The following DYNC1I1 variants were observed in gnomAD, a reference collection of about 807,000 sequenced individuals.
DYNC1I1 encodes the protein dynein cytoplasmic 1 intermediate chain 1.
In DYNC1I1, 43 loss-of-function variants were observed where a neutral mutation model predicts 86.6. That is an observed-to-expected ratio of 0.50 (90% CI 0.39 to 0.64). The LOEUF is 0.64. DYNC1I1 is among the 30% of genes least tolerant of loss of function. The probability of loss-of-function intolerance (pLI) is 0.00; values close to 1 mark genes in which losing one functional copy is unlikely to be tolerated. For missense variants in DYNC1I1, 604 were observed against 788.8 expected, an observed-to-expected ratio of 0.77 and a Z score of 2.81; for synonymous variants, 262 against 283.7, an observed-to-expected ratio of 0.92 and a Z score of 0.77.
intron 5 of DYNC1I1, among the ~76,000 whole-genome samples, chr7:95,864,814 C>T (rs1789976257): frequency 6.6e-6 from 1 of 152,018 alleles, no homozygotes; most frequent in African/African-American, 2.4e-5. Context: ...CATTCAGTGG[C>T]ACTAAAGCCT....
intron 6 of DYNC1I1, among the ~76,000 whole-genome samples, chr7:95,932,725 A>T (rs1791931163): frequency 6.6e-6 from 1 of 152,184 alleles, no homozygotes; most frequent in Non-Finnish European, 1.5e-5. Flanking sequence ...TCATAGTAGT[A>T]GGTTTCGATC....
intron 6 of DYNC1I1, among the ~76,000 whole-genome samples, chr7:95,964,685 A>T (rs987210134): frequency 4.6e-5 from 7 of 152,220 alleles, no homozygotes; most frequent in African/African-American, 1.7e-4. Flanking sequence ...GATAGTAGTC[A>T]GTACTATGCA....
At chr7:95,863,272 T>C (rs571603617) in intron 5 of DYNC1I1, among the ~76,000 whole-genome samples, 2 of 152,326 alleles carry the variant, frequency 1.3e-5, no homozygotes, top group Admixed American at 1.3e-4. Flanking sequence ...ACAAAAAGGC[T>C]ACATCTTTTA....
At chr7:96,015,305 A>G (rs1419383245) in intron 10 of DYNC1I1, among the ~76,000 whole-genome samples, 2 of 152,134 alleles carry the variant, frequency 1.3e-5, no homozygotes, top group East Asian at 1.9e-4. Context: ...GACCCATAAT[A>G]TCTCCCATAT....
chr7:96,031,263 G>A (rs1794801557), intron 11 of DYNC1I1, among the ~76,000 whole-genome samples: 1 of 152,128 alleles, frequency 6.6e-6, no homozygotes, highest in African/African-American at 2.4e-5. Context: ...GATTCACCAG[G>A]ATAGGAAAGG....
chr7:96,007,446 T>C (rs1323233338), intron 10 of DYNC1I1, among the ~76,000 whole-genome samples: 1 of 152,166 alleles, frequency 6.6e-6, no homozygotes, highest in Admixed American at 6.5e-5. Flanking sequence ...AGGACAGAAA[T>C]GGAAAAGTAA....
chr7:95,944,133 A>G (rs181884604), intron 6 of DYNC1I1, among the ~76,000 whole-genome samples: 13 of 152,216 alleles, frequency 8.5e-5, no homozygotes, highest in Admixed American at 1.3e-4. Flanking sequence ...CATCTGACAA[A>G]GGGCTAATAT....
At chr7:95,921,924 C>A (rs572768299) in intron 6 of DYNC1I1, among the ~76,000 whole-genome samples, 1 of 152,092 alleles carries the variant, frequency 6.6e-6, no homozygotes. Flanking sequence ...AGACTTGAGA[C>A]AAAATAATGT....
intron 6 of DYNC1I1, among the ~76,000 whole-genome samples, chr7:95,923,724 C>T (rs1281095412): frequency 1.3e-5 from 2 of 152,116 alleles, no homozygotes; most frequent in East Asian, 3.9e-4. Context: ...TTAAACTTTC[C>T]CATAATATTT....
Position 96,028,060 on chromosome 7 carries a change from T to C in DYNC1I1, c.970-115T>C, listed in dbSNP as rs1439907659. The C allele has an allele frequency of 5.7e-6, 8 of 1,393,832 alleles. No individual in the cohort carries two copies. In the Admixed American group the frequency reaches 1.1e-4, roughly 18 times the overall value. 86.3% of individuals were successfully genotyped at this position (1,393,832 alleles called of 1,614,324 possible). A position where few individuals can be genotyped will look rare whatever the true frequency, so the allele number is the denominator to read the frequency against. On this transcript the variant is annotated intron_variant, in intron 10 of 16. Coordinates refer to ENST00000447467, the MANE Select transcript of DYNC1I1 (RefSeq NM_001135556.2). ...TTTTACAGTCCCAGCTTTAAATTAT[T>C]TTTTTGTTTTCCAGGATGTGTTGAG...
intron 6 of DYNC1I1, among the ~76,000 whole-genome samples, chr7:95,919,929 T>C (rs1791567398): frequency 6.6e-6 from 1 of 152,100 alleles, no homozygotes; most frequent in African/African-American, 2.4e-5. Context: ...ACGTAAATGA[T>C]GTAATAAATA....
intron 6 of DYNC1I1, among the ~76,000 whole-genome samples, chr7:95,912,237 A>G (rs1290733943): frequency 6.6e-6 from 1 of 152,136 alleles, no homozygotes; most frequent in East Asian, 1.9e-4. Flanking sequence ...GGGTTTCACC[A>G]TGTTGGCCAG....
intron 6 of DYNC1I1, among the ~76,000 whole-genome samples, chr7:95,925,677 C>A (rs771242514): frequency 2.6e-4 from 40 of 152,206 alleles, no homozygotes; most frequent in Non-Finnish European, 4.7e-4. Context: ...ATTTGACAGG[C>A]ATTTTACAAA....
intron 1 of DYNC1I1, among the ~76,000 whole-genome samples, chr7:95,777,927 A>G (rs1793888082): frequency 6.6e-6 from 1 of 152,140 alleles, no homozygotes; most frequent in Non-Finnish European, 1.5e-5. Context: ...GTTACATCTA[A>G]TGCTTTTCAT....
intron 6 of DYNC1I1, among the ~76,000 whole-genome samples, chr7:95,970,644 G>T (rs1562959393): frequency 6.6e-6 from 1 of 152,140 alleles, no homozygotes; most frequent in Non-Finnish European, 1.5e-5. Context: ...TTCTTGTTCT[G>T]CCATTCAAGG....
chr7:95,927,147 A>T (rs1320677881), intron 6 of DYNC1I1, among the ~76,000 whole-genome samples: 1 of 152,178 alleles, frequency 6.6e-6, no homozygotes, highest in Non-Finnish European at 1.5e-5. Context: ...GGGGAAAAAA[A>T]GTGTTCATTT....
intron 1 of DYNC1I1, among the ~76,000 whole-genome samples, chr7:95,799,469 A>C (rs1253158645): frequency 6.6e-6 from 1 of 152,146 alleles, no homozygotes; most frequent in East Asian, 1.9e-4. Context: ...CTAACTAGAG[A>C]AGAAACCATG....
chr7:95,961,711 T>G (rs907235680), intron 6 of DYNC1I1, among the ~76,000 whole-genome samples: 1 of 152,218 alleles, frequency 6.6e-6, no homozygotes, highest in Non-Finnish European at 1.5e-5. Context: ...TTCTGTTTCC[T>G]TTCTCCTCTG....
intron 6 of DYNC1I1, among the ~76,000 whole-genome samples, chr7:95,895,055 G>A (rs185435230): frequency 3.5e-4 from 53 of 152,262 alleles, no homozygotes; most frequent in Admixed American, 3.4e-3. Flanking sequence ...TGGTTTCACC[G>A]GGATTCAGAA....
Sources: gnomAD v4.1 joint callset for allele counts (sites outside exome capture counted in the v4.1 genomes callset) on GRCh38, gnomAD v4.1.1 for gene constraint, MANE v1.5 for transcripts, NCBI Gene and HGNC (gene_info 2026-07-23, HGNC 2026-07-21) for gene names.